ZFPM2: variants seen among roughly 807,000 people sequenced by gnomAD.
ZFPM2 encodes the protein zinc finger protein, FOG family member 2.
ZFPM2 carries 20 observed loss-of-function variants against 98.6 expected under a neutral mutation model. The observed-to-expected ratio is 0.20, with a 90% CI of 0.14 to 0.29. The LOEUF (loss-of-function observed/expected upper bound fraction) is 0.29. ZFPM2 is among the 10% of genes least tolerant of loss of function. The probability of loss-of-function intolerance (pLI) is 1.00; values close to 1 mark genes in which losing one functional copy is unlikely to be tolerated. For missense variants in ZFPM2, 1,310 were observed against 1,388.6 expected, an observed-to-expected ratio of 0.94 and a Z score of 0.90; for synonymous variants, 518 against 502.7, an observed-to-expected ratio of 1.03 and a Z score of -0.41.
intron 1 of ZFPM2, chr8:105,418,900 A>T (rs1811736895): frequency 3.5e-6 from 2 of 578,256 alleles, no homozygotes; most frequent in African/African-American, 3.8e-5. Flanking sequence ...GTGGGGACGC[A>T]ATGGAGATGC....
chr8:105,708,519 T>C (rs1424964942), intron 5 of ZFPM2, among the ~76,000 whole-genome samples: 4 of 152,086 alleles, frequency 2.6e-5, no homozygotes, highest in Non-Finnish European at 2.9e-5. Context: ...ACCCTCAAGC[T>C]CCTGGACTCA....
At chr8:105,683,191 A>G (rs181314040) in intron 5 of ZFPM2, among the ~76,000 whole-genome samples, 1 of 152,130 alleles carries the variant, frequency 6.6e-6, no homozygotes, top group East Asian at 1.9e-4. Flanking sequence ...CAACATAAGA[A>G]TTTTAGTGAG....
chr8:105,724,730 G>A (rs1811764314), intron 5 of ZFPM2, among the ~76,000 whole-genome samples: 1 of 151,686 alleles, frequency 6.6e-6, no homozygotes, highest in Non-Finnish European at 1.5e-5. Flanking sequence ...TTCTGTTTGT[G>A]TTTGAGTAAG....
At chr8:105,647,856 A>T (rs1817082338) in intron 5 of ZFPM2, among the ~76,000 whole-genome samples, 1 of 152,158 alleles carries the variant, frequency 6.6e-6, no homozygotes, top group Non-Finnish European at 1.5e-5. Flanking sequence ...ATGTGTCTTT[A>T]TAGCAGCATG....
chr8:105,791,949 T>A (rs1813625699), intron 6 of ZFPM2, among the ~76,000 whole-genome samples: 2 of 152,224 alleles, frequency 1.3e-5, no homozygotes, highest in African/African-American at 4.8e-5. Flanking sequence ...CCCTTTATCA[T>A]TTTTTATTGC....
intron 5 of ZFPM2, among the ~76,000 whole-genome samples, chr8:105,683,116 C>A (rs1236909152): frequency 2.0e-5 from 3 of 151,994 alleles, no homozygotes; most frequent in African/African-American, 7.2e-5. Context: ...AGGGCTCTGT[C>A]CTCATGAGTT....
chr8:105,567,645 G>A (rs1234014670), intron 4 of ZFPM2, among the ~76,000 whole-genome samples: 1 of 152,002 alleles, frequency 6.6e-6, no homozygotes, highest in African/African-American at 2.4e-5. Flanking sequence ...CCTCTAAGAT[G>A]TAATAATGAA....
At chr8:105,513,569 G>A (rs1004114102) in intron 3 of ZFPM2, among the ~76,000 whole-genome samples, 17 of 152,256 alleles carry the variant, frequency 1.1e-4, no homozygotes, top group African/African-American at 4.1e-4. Flanking sequence ...TTTATAAAAA[G>A]CACATCTACT....
At chr8:105,361,828 C>T (rs1586317042) in intron 1 of ZFPM2, among the ~76,000 whole-genome samples, 1 of 151,312 alleles carries the variant, frequency 6.6e-6, no homozygotes, top group African/African-American at 2.5e-5. Flanking sequence ...CATATTTTTA[C>T]TGTACCTTTT....
chr8:105,478,842 T>C (rs750346798), intron 3 of ZFPM2, among the ~76,000 whole-genome samples: 4 of 152,192 alleles, frequency 2.6e-5, no homozygotes, highest in Non-Finnish European at 5.9e-5. Flanking sequence ...TATTCAGTTA[T>C]CCTACTCTAG....
chr8:105,520,537 C>G (rs1563696841), intron 3 of ZFPM2, among the ~76,000 whole-genome samples: 1 of 152,010 alleles, frequency 6.6e-6, no homozygotes, highest in Non-Finnish European at 1.5e-5. Flanking sequence ...TGGGTACACG[C>G]TCACACACAT....
intron 5 of ZFPM2, among the ~76,000 whole-genome samples, chr8:105,640,706 TA>T (rs1816933943): frequency 6.6e-6 from 1 of 152,056 alleles, no homozygotes; most frequent in South Asian, 2.1e-4. Context: ...TGTTCCACCT[TA>T]AAATAGATAA....
chr8:105,447,213 A>T (rs1812392014), intron 3 of ZFPM2, among the ~76,000 whole-genome samples: 1 of 152,070 alleles, frequency 6.6e-6, no homozygotes, highest in Non-Finnish European at 1.5e-5. Context: ...ATTAAAAATT[A>T]ATAAAAAAAT....
At chr8:105,400,656 T>C (rs1346466205) in intron 1 of ZFPM2, among the ~76,000 whole-genome samples, 4 of 152,168 alleles carry the variant, frequency 2.6e-5, no homozygotes, top group Non-Finnish European at 1.5e-5. Context: ...TTTTGGTATA[T>C]ATTTAGGTAT....
In ZFPM2 at chr8:105,802,428, G is replaced by C. The variant is rs2920048; in HGVS notation, c.2346G>C (p.Glu782Asp). The change falls in exon 8 of 8, where the codon GAG becomes GAC. Residue 782 changes from glutamate (E) to aspartate (D), a missense_variant. Physicochemically the swap from Glu to Asp is conservative, Grantham distance 45 (BLOSUM62 2). Coordinates refer to ENST00000407775, the MANE Select transcript of ZFPM2 (RefSeq NM_012082.4). ...AAGAACCCACAGAAGGGCTAGGAGA[G>C]TGCTACCACCCAAGATGTGATATCT... ...STQEPTEGLG[E>D]CYHPRCDIFP... 203,030 of 1,613,586 alleles carry C rather than the reference G, an allele frequency of 0.13. 14,161 individuals are homozygous for C. Among genetic ancestry groups the C allele is most frequent in the Middle Eastern group, 0.15 (895 of 6,062 alleles).
chr8:105,655,817 A>G (rs142981333), intron 5 of ZFPM2, among the ~76,000 whole-genome samples: 5 of 152,314 alleles, frequency 3.3e-5, no homozygotes, highest in African/African-American at 9.6e-5. Context: ...CTCTAAAAGC[A>G]TTGTGATTAT....
At chr8:105,502,276 C>G (rs1323879376) in intron 3 of ZFPM2, among the ~76,000 whole-genome samples, 2 of 151,260 alleles carry the variant, frequency 1.3e-5, no homozygotes, top group Admixed American at 1.3e-4. Flanking sequence ...TTGATTATAC[C>G]CATTTTGAAA....
chr8:105,726,908 GA>G (rs976570687), intron 5 of ZFPM2, among the ~76,000 whole-genome samples: 15 of 151,640 alleles, frequency 9.9e-5, no homozygotes, highest in African/African-American at 3.6e-4. Flanking sequence ...AGAATGTATA[GA>G]ACATGCGAAG....
At chr8:105,531,452 C>A (rs965533196) in intron 3 of ZFPM2, among the ~76,000 whole-genome samples, 4 of 152,052 alleles carry the variant, frequency 2.6e-5, no homozygotes, top group African/African-American at 9.7e-5. Flanking sequence ...CTCTGTGTGT[C>A]TTTGTCATCT....
Sources: gnomAD v4.1 joint callset for allele counts (sites outside exome capture counted in the v4.1 genomes callset) on GRCh38, gnomAD v4.1.1 for gene constraint, MANE v1.5 for transcripts, NCBI Gene and HGNC (gene_info 2026-07-23, HGNC 2026-07-21) for gene names.